PPP2R2A: variants seen among roughly 807,000 people sequenced by gnomAD.
The protein encoded by PPP2R2A is serine/threonine-protein phosphatase 2A 55 kDa regulatory subunit B alpha isoform.
In PPP2R2A, 9 loss-of-function variants were observed where a neutral mutation model predicts 53.2. That is an observed-to-expected ratio of 0.17 (90% CI 0.10 to 0.30). PPP2R2A has a LOEUF of 0.30. PPP2R2A is among the 10% of genes least tolerant of loss of function. PPP2R2A has a pLI of 1.00. For missense variants in PPP2R2A, 235 were observed against 534.6 expected (o/e 0.44, Z 5.53); for synonymous variants, 169 against 174.2 (o/e 0.97, Z 0.23).
intron 2 of PPP2R2A, among the ~76,000 whole-genome samples, chr8:26,314,160 A>G (rs1802425398): frequency 6.6e-6 from 1 of 152,212 alleles, no homozygotes; most frequent in Admixed American, 6.5e-5. Flanking sequence ...GTTCTCCATC[A>G]TGTTTCAGTC....
intron 3 of PPP2R2A, among the ~76,000 whole-genome samples, chr8:26,351,322 C>A (rs562740770): frequency 6.6e-6 from 1 of 151,638 alleles, no homozygotes; most frequent in Admixed American, 6.6e-5. Context: ...TGCAGTGGTC[C>A]CTGTCTCCAT....
intron 8 of PPP2R2A, among the ~76,000 whole-genome samples, chr8:26,364,579 C>T (rs1252778858): frequency 1.3e-5 from 2 of 152,224 alleles, no homozygotes; most frequent in Non-Finnish European, 2.9e-5. Flanking sequence ...CTAATTTATA[C>T]ATATACTTTC....
chr8:26,312,127 A>T (rs1353074491), intron 2 of PPP2R2A, among the ~76,000 whole-genome samples: 1 of 152,246 alleles, frequency 6.6e-6, no homozygotes, highest in Admixed American at 6.5e-5. Context: ...AAATATATTT[A>T]GAGCCCTTGG....
chr8:26,366,283 T>A, intron 8 of PPP2R2A, 32 bp from the exon 9 acceptor site: 2 of 1,536,428 alleles, frequency 1.3e-6, no homozygotes, highest in Non-Finnish European at 1.8e-6. Context: ...TTTTCCTAAT[T>A]TCAGTGCAGT....
intron 3 of PPP2R2A, among the ~76,000 whole-genome samples, chr8:26,353,661 C>T (rs1197976081): frequency 6.6e-6 from 1 of 152,198 alleles, no homozygotes; most frequent in Non-Finnish European, 1.5e-5. Flanking sequence ...ATAATTCTCA[C>T]TTTTGCTGAG....
At chr8:26,302,636 A>ATTTT in intron 2 of PPP2R2A, among the ~76,000 whole-genome samples, 1 of 152,360 alleles carries the variant, frequency 6.6e-6, no homozygotes, top group African/African-American at 2.4e-5. Context: ...ACCTATTAAA[A>ATTTT]TATTCCTCCC....
At chr8:26,326,709 A>G (rs911597542) in intron 2 of PPP2R2A, among the ~76,000 whole-genome samples, 8 of 152,216 alleles carry the variant, frequency 5.3e-5, no homozygotes, top group Non-Finnish European at 1.2e-4. Flanking sequence ...TTGAGAAGCT[A>G]TTTACATTAT....
chr8:26,329,389 A>G (rs939986354), intron 2 of PPP2R2A, among the ~76,000 whole-genome samples: 1 of 150,684 alleles, frequency 6.6e-6, no homozygotes, highest in African/African-American at 2.4e-5. Context: ...CTTTTTTTCA[A>G]CTCCTTATTC....
chr8:26,369,457 C>T (rs900798107), intron 9 of PPP2R2A, among the ~76,000 whole-genome samples: 4 of 151,958 alleles, frequency 2.6e-5, no homozygotes, highest in African/African-American at 9.7e-5. Flanking sequence ...GTGGCACGAC[C>T]TTGGCTCACT....
intron 2 of PPP2R2A, chr8:26,333,354 C>A: frequency 3.7e-6 from 1 of 268,102 alleles, no homozygotes; most frequent in Non-Finnish European, 6.4e-6. Flanking sequence ...GTTTTTGTTG[C>A]TGTTTTCATT....
chr8:26,316,793 C>G (rs1328551229), intron 2 of PPP2R2A, among the ~76,000 whole-genome samples: 1 of 152,220 alleles, frequency 6.6e-6, no homozygotes, highest in African/African-American at 2.4e-5. Flanking sequence ...TAGGGACACA[C>G]TAATCGCATT....
Position 26,321,756 on chromosome 8 carries a change from G to T in PPP2R2A, c.83-17134G>T, listed in dbSNP as rs543793513. ...ACTTTGTGAGAGACCTTGAACGCAA[G>T]GCCCCCTGGCTAAGTCACACCTAGA... On this transcript the variant is annotated intron_variant, in intron 2 of 9. Coordinates refer to ENST00000380737, the MANE Select transcript of PPP2R2A (RefSeq NM_002717.4). The surrounding 1 kb of genome is among the most constrained non-coding windows in gnomAD (Gnocchi z 4.1). 3.5e-4 allele frequency among the ~76,000 whole-genome samples: 54 copies of T among 152,286 alleles called. No individual in the cohort carries two copies. Among genetic ancestry groups the T allele is most frequent in the African/African-American group, 1.1e-3 (46 of 41,560 alleles).
intron 3 of PPP2R2A, among the ~76,000 whole-genome samples, chr8:26,342,581 G>T (rs1038175761): frequency 6.6e-6 from 1 of 152,256 alleles, no homozygotes; most frequent in South Asian, 2.1e-4. Flanking sequence ...TAGTGTGGGT[G>T]TGTGGGTGCT....
chr8:26,357,483 G>C (rs1365206284), intron 4 of PPP2R2A, among the ~76,000 whole-genome samples: 2 of 151,974 alleles, frequency 1.3e-5, no homozygotes, highest in Admixed American at 1.3e-4. Flanking sequence ...CTTATAACTT[G>C]AGTTAATTTA....
At chr8:26,301,615 A>C (rs1801794111) in intron 2 of PPP2R2A, among the ~76,000 whole-genome samples, 1 of 152,126 alleles carries the variant, frequency 6.6e-6, no homozygotes, top group African/African-American at 2.4e-5. Context: ...GGGCTTTGTG[A>C]ACCCTCTGAT....
intron 4 of PPP2R2A, among the ~76,000 whole-genome samples, chr8:26,356,260 C>T (rs537068335): frequency 3.3e-5 from 5 of 152,296 alleles, no homozygotes; most frequent in South Asian, 4.1e-4. Flanking sequence ...TGATGCCCCT[C>T]GTCCACAGTA....
chr8:26,341,051 G>A (rs1330008841), intron 3 of PPP2R2A, among the ~76,000 whole-genome samples: 1 of 152,096 alleles, frequency 6.6e-6, no homozygotes, highest in African/African-American at 2.4e-5. Flanking sequence ...TCCTTTTCAT[G>A]TGTCTCATTC....
chr8:26,323,706 G>A (rs1444538265), intron 2 of PPP2R2A, among the ~76,000 whole-genome samples: 7 of 152,284 alleles, frequency 4.6e-5, no homozygotes, highest in South Asian at 2.1e-4. Context: ...TTCTATCCCC[G>A]TGGAGTTGGA....
chr8:26,335,994 C>T (rs1310009852), intron 2 of PPP2R2A, among the ~76,000 whole-genome samples: 1 of 152,340 alleles, frequency 6.6e-6, no homozygotes, highest in Non-Finnish European at 1.5e-5. Flanking sequence ...TCCCCACACA[C>T]CCTTCACCTT....
Sources: allele counts gnomAD v4.1 joint callset (sites outside exome capture counted in the v4.1 genomes callset), GRCh38; gene constraint gnomAD v4.1.1; non-coding constraint Gnocchi (gnomAD v3.1); transcripts MANE v1.5; gene names NCBI Gene and HGNC (gene_info 2026-07-23, HGNC 2026-07-21).